Variants in BAZ2B observed in about 807,000 individuals in gnomAD.
BAZ2B encodes the protein bromodomain adjacent to zinc finger domain 2B.
A neutral mutation model predicts 246.0 loss-of-function variants in BAZ2B; 91 were observed. The observed-to-expected ratio is 0.37, with a 90% CI of 0.31 to 0.44. The LOEUF (loss-of-function observed/expected upper bound fraction) is 0.44. Ranked by LOEUF, BAZ2B falls within the 20% of genes least tolerant of loss-of-function variation. The probability of loss-of-function intolerance (pLI) is 1.00; values close to 1 mark genes in which losing one functional copy is unlikely to be tolerated. For missense variants in BAZ2B, 2,332 were observed against 2,533.7 expected (o/e 0.92, Z 1.71); for synonymous variants, 855 against 860.0 (o/e 0.99, Z 0.10).
At chr2:159,386,664 T>C in intron 21 of BAZ2B, 57 bp from the exon 22 acceptor site, 1 of 1,471,390 alleles carries the variant, frequency 6.8e-7, no homozygotes, top group Non-Finnish European at 9.0e-7. Flanking sequence ...TTAAAAGCCA[T>C]GATTTCGTAT....
At chr2:159,415,195 C>G (rs1308086440) in intron 13 of BAZ2B, among the ~76,000 whole-genome samples, 2 of 152,042 alleles carry the variant, frequency 1.3e-5, no homozygotes, top group Non-Finnish European at 2.9e-5. Context: ...GCCTATAACA[C>G]CAGCACTTTG....
At chr2:159,614,204 T>C (rs1695340703) in intron 1 of BAZ2B, among the ~76,000 whole-genome samples, 1 of 152,206 alleles carries the variant, frequency 6.6e-6, no homozygotes, top group African/African-American at 2.4e-5. Context: ...CTTGGTCATG[T>C]GACCAAACCA....
At chr2:159,568,257 C>T (rs1683117473) in intron 1 of BAZ2B, among the ~76,000 whole-genome samples, 1 of 152,106 alleles carries the variant, frequency 6.6e-6, no homozygotes, top group Admixed American at 6.5e-5. Context: ...CATAGAAAAT[C>T]ATATTGTTAA....
At chr2:159,423,624 C>A (rs1457456865) in intron 13 of BAZ2B, among the ~76,000 whole-genome samples, 1 of 152,144 alleles carries the variant, frequency 6.6e-6, no homozygotes, top group Non-Finnish European at 1.5e-5. Flanking sequence ...AACCTATATG[C>A]CCATCAACAG....
intron 2 of BAZ2B, among the ~76,000 whole-genome samples, chr2:159,486,594 CTT>C (rs1178171940): frequency 6.9e-6 from 1 of 143,892 alleles, no homozygotes. Context: ...TTTTCTTCTT[CTT>C]TTTTTTTTTT....
intron 14 of BAZ2B, among the ~76,000 whole-genome samples, chr2:159,408,380 G>A (rs181794632): frequency 3.3e-5 from 5 of 152,020 alleles, no homozygotes; most frequent in African/African-American, 4.8e-5. Context: ...TTTATTTCCC[G>A]GGCTGGTATT....
At chr2:159,612,116 T>C (rs12470879) in intron 1 of BAZ2B, among the ~76,000 whole-genome samples, 82,509 of 151,688 alleles carry the variant, frequency 0.54, 23,300 homozygotes, top group East Asian at 0.73. Context: ...TGTCTACTAG[T>C]AAGTTATTTT....
intron 2 of BAZ2B, among the ~76,000 whole-genome samples, chr2:159,522,520 C>A (rs1386036824): frequency 6.6e-6 from 1 of 152,134 alleles, no homozygotes; most frequent in Non-Finnish European, 1.5e-5. Context: ...TTTTATACTA[C>A]GTTAATGTCT....
chr2:159,419,952 C>T (rs141747244), intron 13 of BAZ2B: 15 of 152,274 alleles, frequency 9.9e-5, no homozygotes, highest in Admixed American at 9.8e-4. Flanking sequence ...TCACTTAATT[C>T]GAAATAATTA....
intron 31 of BAZ2B, 64 bp downstream of exon 31, chr2:159,347,422 A>AC: frequency 1.4e-6 from 2 of 1,478,282 alleles, no homozygotes; most frequent in Non-Finnish European, 1.9e-6. Context: ...TATATTAGGC[A>AC]AGTAATAAAC....
At chr2:159,668,174 A>G in the BAZ2B span, among the ~76,000 whole-genome samples, 2 of 152,162 alleles carry the variant, frequency 1.3e-5, no homozygotes, top group Non-Finnish European at 2.9e-5. Flanking sequence ...ACTAGTATAT[A>G]AAATATTCAA....
the BAZ2B span, chr2:159,712,060 A>C: frequency 6.8e-6 from 1 of 147,910 alleles, no homozygotes; most frequent in Non-Finnish European, 1.5e-5. Flanking sequence ...TCAATTCAAC[A>C]TTCACTGCGC....
intron 14 of BAZ2B, among the ~76,000 whole-genome samples, chr2:159,406,469 G>C (rs1017589754): frequency 6.6e-6 from 1 of 152,312 alleles, no homozygotes; most frequent in South Asian, 2.1e-4. Flanking sequence ...CTGTGGCAAA[G>C]GGTGTAACAG....
At chr2:159,336,240 G>C (rs2065649943) in intron 33 of BAZ2B, among the ~76,000 whole-genome samples, 1 of 152,144 alleles carries the variant, frequency 6.6e-6, no homozygotes, top group Non-Finnish European at 1.5e-5. Flanking sequence ...TAATATAAAA[G>C]AGGCAAGAGG....
intron 25 of BAZ2B, among the ~76,000 whole-genome samples, chr2:159,377,219 A>C (rs1320497616): frequency 6.6e-6 from 1 of 152,176 alleles, no homozygotes; most frequent in African/African-American, 2.4e-5. Context: ...GGTAACTACC[A>C]ATACCCTACT....
intron 26 of BAZ2B, among the ~76,000 whole-genome samples, chr2:159,373,438 A>G (rs188447258): frequency 6.6e-6 from 1 of 152,352 alleles, no homozygotes; most frequent in Admixed American, 6.5e-5. Flanking sequence ...AATAAAACTT[A>G]TCCTTTTACT....
At chr2:159,593,844 T>A (rs979541375) in intron 1 of BAZ2B, among the ~76,000 whole-genome samples, 2 of 152,226 alleles carry the variant, frequency 1.3e-5, no homozygotes, top group African/African-American at 4.8e-5. Context: ...TACTGTAATA[T>A]AAAATTTGCC....
intron 2 of BAZ2B, among the ~76,000 whole-genome samples, chr2:159,553,868 T>C (rs2151459324): frequency 1.3e-5 from 2 of 152,322 alleles, no homozygotes; most frequent in South Asian, 4.2e-4. Context: ...TATGGATCTA[T>C]GACTAGTCTC....
chr2:159,603,171 C>T (rs1692581970), intron 1 of BAZ2B, among the ~76,000 whole-genome samples: 1 of 152,074 alleles, frequency 6.6e-6, no homozygotes, highest in South Asian at 2.1e-4. Context: ...AACTTAAATG[C>T]CCTAAGATTG....
Sources: gnomAD v4.1 joint callset for allele counts (sites outside exome capture counted in the v4.1 genomes callset) on GRCh38, gnomAD v4.1.1 for gene constraint, MANE v1.5 for transcripts, NCBI Gene and HGNC (gene_info 2026-07-23, HGNC 2026-07-21) for gene names.